The following LEFTY2 variants were observed in gnomAD, a reference collection of about 807,000 sequenced individuals.
LEFTY2 encodes the protein TGF-beta-4.
In LEFTY2, 10 loss-of-function variants were observed where a neutral mutation model predicts 26.4. The observed-to-expected ratio is 0.38, with a 90% confidence interval of 0.23 to 0.64. The LOEUF (loss-of-function observed/expected upper bound fraction) is 0.64, where lower values mean the gene tolerates loss of function less well. Among genes scored for constraint, LEFTY2 ranks in the 30% least tolerant of loss-of-function variants. The pLI, the probability that LEFTY2 is intolerant of heterozygous loss-of-function variation, is 0.56. For missense variants in LEFTY2, 407 were observed against 502.1 expected (o/e 0.81, Z 1.81); for synonymous variants, 204 against 234.1 (o/e 0.87, Z 1.17).
rs1394067987 is a variant in LEFTY2, at chr1:225,939,010, T to C, written c.737+351A>G. Among the ~76,000 whole-genome samples, 2 of 151,852 alleles carry C rather than the reference T, an allele frequency of 1.3e-5. No individual in the cohort carries two copies. Among genetic ancestry groups the C allele is most frequent in the African/African-American group, 4.8e-5 (2 of 41,304 alleles). On this transcript the variant is annotated intron_variant, in intron 3 of 3. Transcript: ENST00000366820. The surrounding 1 kb of genome is among the most constrained non-coding windows in gnomAD (Gnocchi z 4.1). ...CCTCAGCCTCCTGAGTAGCTGGGAT[T>C]ACAGGCACGCGCCACCACGCCCGGC...
chr1:225,938,785 A>C (rs1028419395), intron 3 of LEFTY2, among the ~76,000 whole-genome samples: 2 of 151,846 alleles, frequency 1.3e-5, no homozygotes, highest in Non-Finnish European at 2.9e-5. Context: ...CAGCTTCCCA[A>C]AGTGTTGGGA....
Position 225,939,340 on chromosome 1 carries a change from TC to T in LEFTY2, c.737+20del, listed in dbSNP as rs749311293. ...CCACTCAGTGGCTGCTTGCCTCCCT[TC>T]TGCCCAGTCCTGCACCTACCCATAG... On this transcript the variant is annotated intron_variant, in intron 3 of 3. Coordinates refer to ENST00000366820, the MANE Select transcript of LEFTY2 (RefSeq NM_003240.5). This position sits in a 1 kb window ranked among gnomAD's most constrained non-coding sequence, Gnocchi z 4.1. 6.2e-7 allele frequency: 1 copy of T among 1,613,278 alleles called. No individual in the cohort carries two copies. Among genetic ancestry groups the T allele is most frequent in the Non-Finnish European group, 8.5e-7 (1 of 1,179,742 alleles).
Position 225,939,057 on chromosome 1 carries a change from A to G in LEFTY2, c.737+304T>C, listed in dbSNP as rs1672230397. Among the ~76,000 whole-genome samples the G allele has an allele frequency of 6.6e-6, 1 of 151,110 alleles. No homozygotes were observed. The highest frequency in any genetic ancestry group is 1.5e-5 in the Non-Finnish European group (1 of 67,826). ...CGGCTAATTTTTGTATTTTTGGTAG[A>G]CACGGGGTTTCATCATGTTGGTCAG... On this transcript the variant is annotated intron_variant, in intron 3 of 3. Transcript: ENST00000366820. The surrounding 1 kb of genome is among the most constrained non-coding windows in gnomAD (Gnocchi z 4.1).
At chr1:225,938,195 G>T (rs2102681786) in intron 3 of LEFTY2, among the ~76,000 whole-genome samples, 1 of 152,302 alleles carries the variant, frequency 6.6e-6, no homozygotes, top group East Asian at 1.9e-4. Flanking sequence ...AGGCCAACCG[G>T]CTCCAAGGCC....
At position 225,937,157 on chromosome 1, in the gene LEFTY2, A is replaced by G. The variant is rs1672171380; in HGVS notation, c.*284T>C. 1.8e-6 allele frequency: 1 copy of G among 553,388 alleles called. No individual in the cohort carries two copies. Among genetic ancestry groups the G allele is most frequent in the Non-Finnish European group, 3.2e-6 (1 of 308,990 alleles). 34.3% of individuals were successfully genotyped at this position (553,388 alleles called of 1,614,324 possible). A position where few individuals can be genotyped will look rare whatever the true frequency, so the allele number is the denominator to read the frequency against. On this transcript the variant is annotated 3_prime_UTR_variant, in exon 4 of 4. Transcript: ENST00000366820. ...CTCAGTGAAGAATTTGCCAGAGAAC[A>G]GAAACTCCCAGCTGAAAATGTGTGC...
Position 225,937,319 on chromosome 1 carries a change from GA to G in LEFTY2, c.*121del. ...GACAGGAAATGGAAGGACACAGGGCGAAGGTCACACAGGAGCACTAAATTGG... is the reference window on the plus strand; with the variant it reads ...GACAGGAAATGGAAGGACACAGGGCGAGGTCACACAGGAGCACTAAATTGG... On this transcript the variant is annotated 3_prime_UTR_variant, in exon 4 of 4. Coordinates refer to ENST00000366820, the MANE Select transcript of LEFTY2 (RefSeq NM_003240.5). The G allele has an allele frequency of 6.6e-7, 1 of 1,511,868 alleles. No homozygotes were observed. The allele number at this position is 1,511,868 out of a possible 1,614,324, so 93.7% of individuals were successfully genotyped here.
chr1:225,940,047 G>A (rs749261275), intron 1 of LEFTY2, 45 bp from the exon 2 acceptor site: 1 of 1,594,576 alleles, frequency 6.3e-7, no homozygotes, highest in Non-Finnish European at 8.5e-7. Flanking sequence ...GGACTCCAGC[G>A]GAGCTCTGAG....
chr1:225,939,732 C>T lies in LEFTY2; in HGVS notation c.497+24G>A, dbSNP rs534898434. 7.5e-6 allele frequency: 12 copies of T among 1,603,162 alleles called. No homozygotes were observed. In the South Asian group the frequency reaches 1.2e-4, roughly 16 times the overall value. The stretch of plus-strand genomic sequence containing the variant: ...GGGCCGAGCAGCCTCCTACTCCTGC[C>T]CTGCGCGCCCGCGCGACCCCCACCT... On this transcript the variant is annotated intron_variant, in intron 2 of 3. Transcript: ENST00000366820. This position sits in a 1 kb window ranked among gnomAD's most constrained non-coding sequence, Gnocchi z 4.1.
intron 1 of LEFTY2, 62 bp from the exon 2 acceptor site, chr1:225,940,064 A>C: frequency 6.3e-7 from 1 of 1,592,250 alleles, no homozygotes. Flanking sequence ...TGAGGATGGC[A>C]GGGCCACTGA....
At position 225,941,032 on chromosome 1, in the gene LEFTY2, G is replaced by C; in HGVS notation, c.109C>G (p.Leu37Val). The change falls in exon 1 of 4, where the codon CTC becomes GTC. Residue 37 changes from leucine to valine, a missense_variant. By Grantham distance (32) the Leu-to-Val change is conservative. Coordinates refer to ENST00000366820, the MANE Select transcript of LEFTY2 (RefSeq NM_003240.5). ...CTGTCCAGTACGGGCACCTCGCTGA[G>C]CTGCAGCTGCCGCAGCAGGCTGCCC... ...LLGSLLRQLQ[L>V]SEVPVLDRAD... 6.2e-7 allele frequency: 1 copy of C among 1,611,798 alleles called. No individual in the cohort carries two copies. Among genetic ancestry groups the C allele is most frequent in the Non-Finnish European group, 8.5e-7 (1 of 1,179,542 alleles).
chr1:225,937,401 C>T lies in LEFTY2; in HGVS notation c.*40G>A. 1 of 1,613,258 alleles carries T rather than the reference C, an allele frequency of 6.2e-7. No individual in the cohort carries two copies. Among genetic ancestry groups the T allele is most frequent in the East Asian group, 2.2e-5 (1 of 44,892 alleles). ...GACCTACATTAAGACCACCTCTATG[C>T]ACACGTTCAGTTAGAGGGCTCAATG... On this transcript the variant is annotated 3_prime_UTR_variant, in exon 4 of 4. Coordinates refer to ENST00000366820, the MANE Select transcript of LEFTY2 (RefSeq NM_003240.5).
At position 225,939,267 on chromosome 1, in the gene LEFTY2, ACCGCCACCATCCG is replaced by A; in HGVS notation, c.737+81_737+93del. 1 of 1,578,148 alleles carries A rather than the reference ACCGCCACCATCCG, an allele frequency of 6.3e-7. No homozygotes were observed. The highest frequency in any genetic ancestry group is 8.6e-7 in the Non-Finnish European group (1 of 1,162,342). ...ACCGCGCTCTCCCTACCCCTAGCCC[ACCGCCACCATCCG>A]GTCCCCCAGACAGTCCTGGGGACGG... On this transcript the variant is annotated intron_variant, in intron 3 of 3. Coordinates refer to ENST00000366820, the MANE Select transcript of LEFTY2 (RefSeq NM_003240.5). The surrounding 1 kb of genome is among the most constrained non-coding windows in gnomAD (Gnocchi z 4.1).
chr1:225,940,920 C>A lies in LEFTY2; in HGVS notation c.221G>T (p.Arg74Leu), dbSNP rs773961866. 5 of 1,613,534 alleles carry A rather than the reference C, an allele frequency of 3.1e-6. No homozygotes were observed. In the South Asian group the frequency reaches 4.4e-5, roughly 14 times the overall value. ...LLRRSHGDRS[R>L]GKRFSQSFRE... ...GAAGCTCTGGCTGAACCTCTTTCCGCGGGAGCGGTCCCCGTGGCTGCGCCG... is the reference window on the plus strand; with the variant it reads ...GAAGCTCTGGCTGAACCTCTTTCCGAGGGAGCGGTCCCCGTGGCTGCGCCG... Residue 74 changes from arginine (R) to leucine (L), a missense_variant, in exon 1 of 4, where the codon CGC (arginine) becomes CTC (leucine). Transcript: ENST00000366820.
At chr1:225,938,455 A>G (rs1214937959) in intron 3 of LEFTY2, among the ~76,000 whole-genome samples, 4 of 152,238 alleles carry the variant, frequency 2.6e-5, no homozygotes, top group African/African-American at 4.8e-5. Context: ...AATAAATCAT[A>G]CAATTCTCCT....
Position 225,939,409 on chromosome 1 carries a change from A to G in LEFTY2, c.689T>C (p.Leu230Pro). The change falls in exon 3 of 4, where the codon CTT becomes CCT. Residue 230 changes from leucine (L) to proline (P), a missense_variant. Leu to Pro is a moderately conservative substitution (Grantham distance 98). Transcript: ENST00000366820. This position sits in a 1 kb window ranked among gnomAD's most constrained non-coding sequence, Gnocchi z 4.1. ...GTGCAGCTCCAGCTGGGGCTCCCCA[A>G]GCCCGGCTGGCGCCCCCTGCGAGGC... ...RFASQGAPAG[L>P]GEPQLELHTL... 6.2e-7 allele frequency: 1 copy of G among 1,613,086 alleles called. No individual in the cohort carries two copies.
At position 225,939,605 on chromosome 1, in the gene LEFTY2, G is replaced by A. The variant is rs1255141542; in HGVS notation, c.498-5C>T. The A allele has an allele frequency of 1.2e-6, 2 of 1,612,492 alleles. No individual in the cohort carries two copies. Among genetic ancestry groups the A allele is most frequent in the Non-Finnish European group, 1.7e-6 (2 of 1,179,822 alleles). On this transcript the variant is annotated splice_polypyrimidine_tract_variant and splice_region_variant and intron_variant, in intron 2 of 3. Coordinates refer to ENST00000366820, the MANE Select transcript of LEFTY2 (RefSeq NM_003240.5). This position sits in a 1 kb window ranked among gnomAD's most constrained non-coding sequence, Gnocchi z 4.1. ...CTCTCGTGGACGGACACCAGCCTGA[G>A]ACATGATACACACGACACGGAGACC...
At position 225,938,191 on chromosome 1, in the gene LEFTY2, A is replaced by C. The variant is rs201860418; in HGVS notation, c.738-387T>G. 3.9e-5 allele frequency among the ~76,000 whole-genome samples: 6 copies of C among 152,328 alleles called. No homozygotes were observed. The East Asian group carries it at 1.2e-3, about 29-fold the overall frequency. ...GCAGAGCTAGATGGAGCCCAGGCCA[A>C]CCGGCTCCAAGGCCTCTTCTTAACC... is the stretch of plus-strand genomic sequence containing the variant. On this transcript the variant is annotated intron_variant, in intron 3 of 3. Transcript: ENST00000366820.
Position 225,937,452 on chromosome 1 carries a change from G to A in LEFTY2, c.1090C>T (p.Leu364Phe), listed in dbSNP as rs1213401906. ...ASDGALVPRR[L>F]QP ...GATACACCAGGCGCCTATGGCTGGA[G>A]CCTCCTTGGCACGAGCGCCCCATCC... Residue 364 changes from leucine (L) to phenylalanine (F), a missense_variant, in exon 4 of 4, where the codon CTC becomes TTC. Physicochemically the swap from Leu to Phe is conservative, Grantham distance 22. Transcript: ENST00000366820. 1 of 1,613,824 alleles carries A rather than the reference G, an allele frequency of 6.2e-7. No homozygotes were observed. Among genetic ancestry groups the A allele is most frequent in the African/African-American group, 1.3e-5 (1 of 74,922 alleles).
At position 225,939,863 on chromosome 1, in the gene LEFTY2, C is replaced by T; in HGVS notation, c.390G>A (p.Leu130=). Residue 130 remains leucine (L), a synonymous_variant, in exon 2 of 4, where the codon CTG becomes CTA. Coordinates refer to ENST00000366820, the MANE Select transcript of LEFTY2 (RefSeq NM_003240.5). This position sits in a 1 kb window ranked among gnomAD's most constrained non-coding sequence, Gnocchi z 4.1. ...LFQEPVPKAA[L]HRHGRLSPRS... is the part of the protein sequence containing the mutation. ...GCGGGGACAGCCGCCCGTGCCTGTG[C>T]AGCGCGGCCTTGGGGACCGGCTCCT... is the stretch of plus-strand genomic sequence containing the variant. 1.3e-6 allele frequency: 2 copies of T among 1,545,500 alleles called. No homozygotes were observed. Among genetic ancestry groups the T allele is most frequent in the South Asian group, 1.2e-5 (1 of 85,330 alleles).
Sources: gnomAD v4.1 joint callset for allele counts (sites outside exome capture counted in the v4.1 genomes callset) on GRCh38, gnomAD v4.1.1 for gene constraint, Gnocchi (gnomAD v3.1) non-coding constraint, MANE v1.5 for transcripts, NCBI Gene and HGNC (gene_info 2026-07-23, HGNC 2026-07-21) for gene names.